MECOM: variants seen among roughly 807,000 people sequenced by gnomAD.
MECOM encodes the protein MDS1 and EVI1 complex locus, also known as histone-lysine N-methyltransferase MECOM.
MECOM carries 13 observed loss-of-function variants against 116.3 expected under a neutral mutation model. The ratio of observed to expected loss-of-function variants is 0.11; its 90% CI spans 0.07 to 0.18. The LOEUF (loss-of-function observed/expected upper bound fraction) is 0.18. Ranked by LOEUF, MECOM falls within the 10% of genes least tolerant of loss-of-function variation. MECOM has a pLI of 1.00. For missense variants in MECOM, 1,299 were observed against 1,509.0 expected (o/e 0.86, Z 2.31); for synonymous variants, 528 against 535.2 (o/e 0.99, Z 0.19).
At chr3:169,306,037 G>A (rs536500987) in intron 2 of MECOM, among the ~76,000 whole-genome samples, 21 of 152,108 alleles carry the variant, frequency 1.4e-4, no homozygotes, top group Non-Finnish European at 2.8e-4. Flanking sequence ...TAGGTACATT[G>A]TTACCGCTCT....
intron 2 of MECOM, among the ~76,000 whole-genome samples, chr3:169,376,350 A>C (rs1208456027): frequency 6.6e-6 from 1 of 151,754 alleles, no homozygotes; most frequent in Admixed American, 6.6e-5. Flanking sequence ...AAGAGAAAGA[A>C]ATAAAGAGTA....
At chr3:169,479,332 G>A (rs1424139324) in intron 1 of MECOM, among the ~76,000 whole-genome samples, 3 of 151,602 alleles carry the variant, frequency 2.0e-5, no homozygotes, top group African/African-American at 7.3e-5. Context: ...AGGAAAGGGA[G>A]GCGTCTAGGA....
At chr3:169,123,819 T>C (rs1349271678) in intron 5 of MECOM, among the ~76,000 whole-genome samples, 1 of 152,014 alleles carries the variant, frequency 6.6e-6, no homozygotes, top group Non-Finnish European at 1.5e-5. Context: ...GTGGGGCAAG[T>C]GAAGCATCAA....
intron 1 of MECOM, among the ~76,000 whole-genome samples, chr3:169,411,629 C>CA (rs748106949): frequency 1.1e-4 from 17 of 152,190 alleles, no homozygotes; most frequent in Non-Finnish European, 2.5e-4. Flanking sequence ...ATGACTTCTG[C>CA]AAAAGCACCA....
At chr3:169,436,333 C>A (rs1170797491) in intron 1 of MECOM, among the ~76,000 whole-genome samples, 1 of 150,708 alleles carries the variant, frequency 6.6e-6, no homozygotes, top group African/African-American at 2.4e-5. Flanking sequence ...TCACCACAAC[C>A]TCCGCCTCCC....
intron 12 of MECOM, among the ~76,000 whole-genome samples, 156 bp downstream of exon 12, chr3:169,100,729 A>G (rs1269448924): frequency 8.5e-5 from 13 of 152,128 alleles, no homozygotes; most frequent in Admixed American, 8.5e-4. Context: ...GCCATTAGTC[A>G]ATTCTTTCTT....
intron 2 of MECOM, among the ~76,000 whole-genome samples, chr3:169,258,636 T>C (rs1317929157): frequency 2.0e-5 from 3 of 152,176 alleles, no homozygotes; most frequent in Non-Finnish European, 4.4e-5. Flanking sequence ...TTCTACCTTT[T>C]AGATAATGCT....
chr3:169,420,485 A>T (rs1739520233), intron 1 of MECOM, among the ~76,000 whole-genome samples: 1 of 152,158 alleles, frequency 6.6e-6, no homozygotes, highest in Non-Finnish European at 1.5e-5. Context: ...GAAAATGAAG[A>T]AACAGAAGAA....
chr3:169,206,612 G>C (rs939041846), intron 2 of MECOM, among the ~76,000 whole-genome samples: 1 of 151,974 alleles, frequency 6.6e-6, no homozygotes, highest in Admixed American at 6.6e-5. Flanking sequence ...AATTAGCCAG[G>C]CATGGGGGCG....
At chr3:169,451,320 C>T (rs570764756) in intron 1 of MECOM, among the ~76,000 whole-genome samples, 8 of 150,806 alleles carry the variant, frequency 5.3e-5, no homozygotes, top group African/African-American at 1.9e-4. Flanking sequence ...AAAAAGTATT[C>T]TGTAAAGAAA....
chr3:169,387,063 T>C (rs1455498596), intron 1 of MECOM, among the ~76,000 whole-genome samples: 2 of 152,240 alleles, frequency 1.3e-5, no homozygotes, highest in Non-Finnish European at 2.9e-5. Context: ...AGTAGACAAT[T>C]TGCCATTTGG....
At chr3:169,237,058 A>G (rs1214358951) in intron 2 of MECOM, among the ~76,000 whole-genome samples, 1 of 152,224 alleles carries the variant, frequency 6.6e-6, no homozygotes, top group Admixed American at 6.5e-5. Context: ...TAAACAAAAC[A>G]TCTGGATGAA....
intron 1 of MECOM, among the ~76,000 whole-genome samples, chr3:169,558,186 A>T (rs1762251109): frequency 6.6e-6 from 1 of 152,174 alleles, no homozygotes; most frequent in Non-Finnish European, 1.5e-5. Flanking sequence ...ATGGTTTGGA[A>T]TGGCTTATTT....
At chr3:169,382,872 A>G (rs969392312) in intron 1 of MECOM, among the ~76,000 whole-genome samples, 1 of 57,122 alleles carries the variant, frequency 1.8e-5, no homozygotes, top group Non-Finnish European at 4.1e-5. Flanking sequence ...AAATAAAAAA[A>G]ATAAAAAAAG....
At chr3:169,657,810 G>A (rs892339133) in intron 1 of MECOM, among the ~76,000 whole-genome samples, 4 of 152,206 alleles carry the variant, frequency 2.6e-5, no homozygotes, top group African/African-American at 9.7e-5. Flanking sequence ...TCTTCCCTAT[G>A]TAGAGACATC....
chr3:169,574,829 A>T (rs1764297453), intron 1 of MECOM, among the ~76,000 whole-genome samples: 1 of 151,858 alleles, frequency 6.6e-6, no homozygotes, highest in African/African-American at 2.4e-5. Context: ...GTATTTATAA[A>T]AAAAAAAAAA....
chr3:169,619,460 G>A (rs544108559), intron 1 of MECOM, among the ~76,000 whole-genome samples: 1 of 152,250 alleles, frequency 6.6e-6, no homozygotes, highest in Admixed American at 6.5e-5. Flanking sequence ...GAAGCAGGGA[G>A]GCACCTCAAG....
chr3:169,401,662 G>A (rs1433694124), intron 1 of MECOM, among the ~76,000 whole-genome samples: 1 of 152,158 alleles, frequency 6.6e-6, no homozygotes, highest in Non-Finnish European at 1.5e-5. Flanking sequence ...GGAAGAATAA[G>A]CTGAAGAAGA....
Position 169,195,986 on chromosome 3 carries a change from AC to A in MECOM, c.376-52155del, listed in dbSNP as rs1748363429. Among the ~76,000 whole-genome samples, 7 of 152,028 alleles carry A rather than the reference AC, an allele frequency of 4.6e-5. No homozygotes were observed. In the South Asian group the frequency reaches 1.5e-3, roughly 32 times the overall value. On this transcript the variant is annotated intron_variant, in intron 2 of 16. Coordinates refer to ENST00000651503, the MANE Select transcript of MECOM (RefSeq NM_004991.4). The stretch of plus-strand genomic sequence containing the variant: ...ATTAACTTTACCATAGTCTGCTGAA[AC>A]CAATATGCTCTCTGGCTAAACTTTG...
Sources: gnomAD v4.1 joint callset for allele counts (sites outside exome capture counted in the v4.1 genomes callset) on GRCh38, gnomAD v4.1.1 for gene constraint, MANE v1.5 for transcripts, NCBI Gene and HGNC (gene_info 2026-07-23, HGNC 2026-07-21) for gene names.